Variants in SLC22A23 observed in about 807,000 individuals in gnomAD.
The protein encoded by SLC22A23 is ion transporter protein.
In SLC22A23, 26 loss-of-function variants were observed where a neutral mutation model predicts 61.0. The observed-to-expected ratio is 0.43, with a 90% confidence interval of 0.31 to 0.59. The LOEUF (loss-of-function observed/expected upper bound fraction) is 0.59, where lower values mean the gene tolerates loss of function less well. Ranked by LOEUF, SLC22A23 falls within the 20% of genes least tolerant of loss-of-function variation. The pLI, the probability that SLC22A23 is intolerant of heterozygous loss-of-function variation, is 0.11. For synonymous variants in SLC22A23, 430 were observed against 413.9 expected (o/e 1.04, Z -0.47); for missense variants, 796 against 934.7 (o/e 0.85, Z 1.94).
intron 3 of SLC22A23, among the ~76,000 whole-genome samples, chr6:3,402,032 A>G (rs1449474226): frequency 6.6e-6 from 1 of 152,128 alleles, no homozygotes. Flanking sequence ...AATCCCTTTT[A>G]TCACCATTCA....
At chr6:3,376,870 C>G (rs935280952) in intron 3 of SLC22A23, among the ~76,000 whole-genome samples, 3 of 151,972 alleles carry the variant, frequency 2.0e-5, no homozygotes, top group South Asian at 2.1e-4. Context: ...AGAAAAAGGG[C>G]CTTCTGAGTT....
At chr6:3,314,784 C>G (rs371663462) in intron 4 of SLC22A23, among the ~76,000 whole-genome samples, 1 of 152,168 alleles carries the variant, frequency 6.6e-6, no homozygotes, top group East Asian at 1.9e-4. Flanking sequence ...GGTTTCTGCA[C>G]GGCCAGCCTC....
At chr6:3,450,204 T>C (rs967351564) in intron 1 of SLC22A23, among the ~76,000 whole-genome samples, 11 of 152,264 alleles carry the variant, frequency 7.2e-5, no homozygotes, top group African/African-American at 2.7e-4. Context: ...TATTACCTAC[T>C]ATAGTCAATT....
chr6:3,272,980 C>T lies in SLC22A23; in HGVS notation c.*75G>A, dbSNP rs41301845. 5.7e-3 allele frequency: 7,587 copies of T among 1,331,152 alleles called. 34 individuals carry two copies. Among genetic ancestry groups the T allele is most frequent in the Middle Eastern group, 0.013 (52 of 3,912 alleles). 82.5% of individuals were successfully genotyped at this position (1,331,152 alleles called of 1,614,324 possible). On this transcript the variant is annotated 3_prime_UTR_variant, in exon 10 of 10. Transcript: ENST00000406686. The stretch of plus-strand genomic sequence containing the variant: ...GAGGCAGCTTTCCCACCCCTGGCTG[C>T]GTGTTCGGTCCCTGGTCTGTAAACC...
intron 1 of SLC22A23, among the ~76,000 whole-genome samples, chr6:3,429,448 C>G (rs960680948): frequency 6.6e-6 from 1 of 151,906 alleles, no homozygotes; most frequent in Non-Finnish European, 1.5e-5. Flanking sequence ...ATGTCCCCAC[C>G]TCTCTGCGGA....
At chr6:3,344,602 T>C (rs1053627147) in intron 3 of SLC22A23, among the ~76,000 whole-genome samples, 8 of 152,252 alleles carry the variant, frequency 5.3e-5, no homozygotes, top group Admixed American at 2.0e-4. Flanking sequence ...TGGGATTTCA[T>C]TGAAGGTTAA....
rs538841944 is a variant in SLC22A23, at chr6:3,297,542, G to A, written c.1210+549C>T. ...GATTTTAACAACCTCCTGGTGATACGTGGATCCCCAGGTTGAGAACCCCCA... is the reference window on the plus strand; with the variant it reads ...GATTTTAACAACCTCCTGGTGATACATGGATCCCCAGGTTGAGAACCCCCA... On this transcript the variant is annotated intron_variant, in intron 5 of 9. Coordinates refer to ENST00000406686, the MANE Select transcript of SLC22A23 (RefSeq NM_015482.2). This position sits in a 1 kb window ranked among gnomAD's most constrained non-coding sequence, Gnocchi z 4.3. Among the ~76,000 whole-genome samples, 130 of 152,294 alleles carry A rather than the reference G, an allele frequency of 8.5e-4. 1 individual carries two copies. The highest frequency in any genetic ancestry group is 1.6e-3 in the Non-Finnish European group (108 of 68,014).
chr6:3,283,824 G>T lies in SLC22A23; in HGVS notation c.1703+28C>A, dbSNP rs375269608. On this transcript the variant is annotated intron_variant, in intron 9 of 9. Coordinates refer to ENST00000406686, the MANE Select transcript of SLC22A23 (RefSeq NM_015482.2). The stretch of plus-strand genomic sequence containing the variant: ...CGTCTTTGATTTCCGAGAAGCCGGC[G>T]TCCCCTGGGGTGTCTCCCATGACGC... 4 of 1,612,708 alleles carry T rather than the reference G, an allele frequency of 2.5e-6. No homozygotes were observed. In the South Asian group the frequency reaches 3.3e-5, roughly 13 times the overall value.
At chr6:3,378,646 T>C (rs1379367184) in intron 3 of SLC22A23, among the ~76,000 whole-genome samples, 1 of 83,888 alleles carries the variant, frequency 1.2e-5, no homozygotes, top group Non-Finnish European at 2.2e-5. Context: ...TTTTTTTTTC[T>C]TTTCTTTTTT....
rs190071408 is a variant in SLC22A23 at position 3,309,041 on chromosome 6, C to T, written c.1083-10823G>A. Among the ~76,000 whole-genome samples, 27 of 151,638 alleles carry T rather than the reference C, an allele frequency of 1.8e-4. No individual in the cohort carries two copies. The highest frequency in any genetic ancestry group is 3.9e-4 in the Admixed American group (6 of 15,240). ...GGCTTCAATTAATCTTAAAAAGAGC[C>T]GAGGGCTGGGCGCTTTGGGAGGCTG... On this transcript the variant is annotated intron_variant, in intron 4 of 9. Transcript: ENST00000406686. The surrounding 1 kb of genome is among the most constrained non-coding windows in gnomAD (Gnocchi z 4.7).
At chr6:3,391,683 T>C (rs1380037829) in intron 3 of SLC22A23, among the ~76,000 whole-genome samples, 1 of 152,162 alleles carries the variant, frequency 6.6e-6, no homozygotes, top group Non-Finnish European at 1.5e-5. Flanking sequence ...GGATGAGTGG[T>C]ATGCGGAGAT....
At chr6:3,425,736 T>C (rs778952740) in intron 1 of SLC22A23, among the ~76,000 whole-genome samples, 12 of 152,184 alleles carry the variant, frequency 7.9e-5, no homozygotes, top group East Asian at 1.9e-4. Context: ...AACAGGCCCA[T>C]TGCATGGACA....
chr6:3,413,977 G>A (rs527792990), intron 2 of SLC22A23, among the ~76,000 whole-genome samples: 2 of 152,316 alleles, frequency 1.3e-5, no homozygotes, highest in African/African-American at 2.4e-5. Context: ...AATGGTTTGC[G>A]ATGTCAGACT....
chr6:3,440,706 CAGAAA>C (rs1561984874), intron 1 of SLC22A23, among the ~76,000 whole-genome samples: 2 of 68,540 alleles, frequency 2.9e-5, no homozygotes, highest in South Asian at 7.5e-4. Flanking sequence ...GACTCCGTCT[CAGAAA>C]AAAAAAAAAA....
intron 3 of SLC22A23, among the ~76,000 whole-genome samples, chr6:3,358,810 G>A (rs999563228): frequency 2.6e-5 from 4 of 152,156 alleles, no homozygotes; most frequent in Non-Finnish European, 4.4e-5. Context: ...GGAAAACACC[G>A]GAAGGAGTCA....
In SLC22A23 at chr6:3,456,015, G is replaced by C. The variant is rs1306617522; in HGVS notation, c.545C>G (p.Thr182Arg). Reference protein sequence around the residue: ...SNSSGADGGDTPPLPSPPDKG... With the variant: ...SNSSGADGGDRPPLPSPPDKG... ...GTCCGGAGGGGATGGCAGGGGTGGT[G>C]TGTCGCCTCCGTCCGCGCCGCTGCT... The change falls in exon 1 of 10, where the codon ACA (threonine) becomes AGA (arginine). Residue 182 changes from threonine to arginine, a missense_variant. Physicochemically the swap from Thr to Arg is moderately conservative, Grantham distance 71 (BLOSUM62 -1). Transcript: ENST00000406686. The surrounding 1 kb of genome is among the most constrained non-coding windows in gnomAD (Gnocchi z 7.1). 10 of 1,546,946 alleles carry C rather than the reference G, an allele frequency of 6.5e-6. No individual in the cohort carries two copies. The highest frequency in any genetic ancestry group is 8.7e-6 in the Non-Finnish European group (10 of 1,146,802).
chr6:3,295,624 G>C (rs1007566424), intron 5 of SLC22A23, among the ~76,000 whole-genome samples: 2 of 152,208 alleles, frequency 1.3e-5, no homozygotes, highest in African/African-American at 4.8e-5. Flanking sequence ...GTTGGCTGTG[G>C]GATTAGATGG....
chr6:3,326,585 A>G (rs1039744365), intron 3 of SLC22A23, among the ~76,000 whole-genome samples: 7 of 152,202 alleles, frequency 4.6e-5, no homozygotes, highest in Non-Finnish European at 1.0e-4. Context: ...TTTTGCTAGG[A>G]ATCCTAGCAG....
At position 3,329,352 on chromosome 6, in the gene SLC22A23, A is replaced by C. The variant is rs1264093325; in HGVS notation, c.914-5350T>G. On this transcript the variant is annotated intron_variant, in intron 3 of 9. Coordinates refer to ENST00000406686, the MANE Select transcript of SLC22A23 (RefSeq NM_015482.2). This position sits in a 1 kb window ranked among gnomAD's most constrained non-coding sequence, Gnocchi z 4.8. ...ACGTTTAAGAAACTCTTGAATGCTT[A>C]TGACCATAGAGAGAATATACATTTT... Among the ~76,000 whole-genome samples, 1 of 152,234 alleles carries C rather than the reference A, an allele frequency of 6.6e-6. No homozygotes were observed. The highest frequency in any genetic ancestry group is 2.4e-5 in the African/African-American group (1 of 41,456).
Sources: allele counts gnomAD v4.1 joint callset (sites outside exome capture counted in the v4.1 genomes callset), GRCh38; gene constraint gnomAD v4.1.1; non-coding constraint Gnocchi (gnomAD v3.1); transcripts MANE v1.5; gene names NCBI Gene and HGNC (gene_info 2026-07-23, HGNC 2026-07-21).